Variants in ARHGEF6 observed in about 807,000 individuals in gnomAD.
ARHGEF6 encodes Rac/Cdc42 guanine nucleotide exchange factor 6.
In ARHGEF6, 9 loss-of-function variants were observed where a neutral mutation model predicts 70.3. The ratio of observed to expected loss-of-function variants is 0.13; its 90% CI spans 0.08 to 0.22. ARHGEF6 has a LOEUF of 0.22. ARHGEF6 is among the 10% of genes least tolerant of loss of function. The pLI is 1.00. For missense variants in ARHGEF6, 470 were observed against 563.0 expected (o/e 0.83, Z 1.67); for synonymous variants, 201 against 207.8 (o/e 0.97, Z 0.28).
At chrX:136,724,092 G>GT (rs2076829287) in intron 6 of ARHGEF6, among the ~76,000 whole-genome samples, 1 of 62,617 alleles carries the variant, frequency 1.6e-5, no homozygotes, top group Non-Finnish European at 3.2e-5. Context: ...TTTTTTTTTT[G>GT]TTTTTTAGAC....
intron 6 of ARHGEF6, among the ~76,000 whole-genome samples, chrX:136,727,330 T>TTTCTTTCC (rs2076865961): frequency 4.4e-5 from 1 of 22,791 alleles, no homozygotes; most frequent in African/African-American, 1.2e-4. Context: ...TTTCTTTTTC[T>TTTCTTTCC]TTCTTTCTTT....
chrX:136,728,700 G>A (rs1295151832), intron 6 of ARHGEF6, among the ~76,000 whole-genome samples: 3 of 109,374 alleles, frequency 2.7e-5, no homozygotes, highest in Non-Finnish European at 3.8e-5. Flanking sequence ...ATTTAAATTA[G>A]TAGGTGGAGT....
At chrX:136,776,677 A>G (rs1196381979) in intron 2 of ARHGEF6, among the ~76,000 whole-genome samples, 1 of 111,351 alleles carries the variant, frequency 9.0e-6, no homozygotes, top group African/African-American at 3.3e-5. Context: ...CAAGAACTCA[A>G]AAACAAAGGC....
At chrX:136,741,176 C>A (rs1249191456) in intron 5 of ARHGEF6, among the ~76,000 whole-genome samples, 1 of 111,624 alleles carries the variant, frequency 9.0e-6, no homozygotes, top group African/African-American at 3.3e-5. Context: ...AAGCTCCTAA[C>A]TCTGGTTGTC....
intron 14 of ARHGEF6, 148 bp from the exon 15 acceptor site, chrX:136,681,024 C>T (rs2076328411): frequency 5.1e-6 from 3 of 588,738 alleles, no homozygotes; most frequent in Admixed American, 5.4e-5. Flanking sequence ...GCTGAAATTT[C>T]TATATCAGAA....
At chrX:136,728,532 T>C (rs1483946904) in intron 6 of ARHGEF6, among the ~76,000 whole-genome samples, 1 of 107,388 alleles carries the variant, frequency 9.3e-6, no homozygotes, top group Non-Finnish European at 1.9e-5. Flanking sequence ...TGCCCAAGTT[T>C]ACAGGATGTG....
At chrX:136,734,531 T>A (rs973486699) in intron 5 of ARHGEF6, among the ~76,000 whole-genome samples, 3 of 111,496 alleles carry the variant, frequency 2.7e-5, no homozygotes, top group African/African-American at 9.8e-5. Context: ...AAAAAGGAAA[T>A]CTCCAGGCCC....
intron 1 of ARHGEF6, among the ~76,000 whole-genome samples, chrX:136,780,259 C>T (rs1328027854): frequency 1.8e-5 from 2 of 111,458 alleles, no homozygotes; most frequent in African/African-American, 6.5e-5. Context: ...TTCCTAGTTG[C>T]TATATAGTCT....
intron 9 of ARHGEF6, among the ~76,000 whole-genome samples, chrX:136,697,166 A>G (rs2076521979): frequency 8.9e-6 from 1 of 111,841 alleles, no homozygotes; most frequent in African/African-American, 3.3e-5. Context: ...CCATGGGAAC[A>G]GAAGAGTTCT....
chrX:136,684,555 C>G (rs989099270), intron 12 of ARHGEF6, among the ~76,000 whole-genome samples: 2 of 110,180 alleles, frequency 1.8e-5, no homozygotes, highest in Admixed American at 9.6e-5. Context: ...TCTTCAGCTC[C>G]CCCCACCCCC....
At position 136,776,822 on chromosome X, in the gene ARHGEF6, G is replaced by T. The variant is rs1287285757; in HGVS notation, c.249+2592C>A. Among the ~76,000 whole-genome samples, 3 of 106,978 alleles carry T rather than the reference G, an allele frequency of 2.8e-5. No individual in the cohort carries two copies. In the East Asian group the frequency reaches 8.7e-4, roughly 31 times the overall value. The allele number at this position is 106,978 out of a possible 115,157, so 92.9% of individuals were successfully genotyped here. On this transcript the variant is annotated intron_variant, in intron 2 of 21. Coordinates refer to ENST00000250617, the MANE Select transcript of ARHGEF6 (RefSeq NM_004840.3). ...TTCCCAAACTATGCATCTGACAAAG[G>T]TCTAATATCCAGAATCGACAAGGAA...
intron 5 of ARHGEF6, among the ~76,000 whole-genome samples, chrX:136,735,330 T>C (rs1423228721): frequency 1.8e-5 from 2 of 111,174 alleles, no homozygotes; most frequent in African/African-American, 6.5e-5. Context: ...TCTGGCCTCT[T>C]GTCCCTCCTT....
At chrX:136,731,828 C>A (rs1007591725) in intron 6 of ARHGEF6, among the ~76,000 whole-genome samples, 28 of 112,522 alleles carry the variant, frequency 2.5e-4, no homozygotes, top group African/African-American at 8.4e-4. Context: ...ATAATTCTTA[C>A]ATACTAGCCA....
rs747887035 is a variant in ARHGEF6 at position 136,743,373 on chromosome X, T to A, written c.661+212A>T. Among the ~76,000 whole-genome samples, 6 of 112,475 alleles carry A rather than the reference T, an allele frequency of 5.3e-5. No individual in the cohort carries two copies. In the South Asian group the frequency reaches 1.8e-3, roughly 35 times the overall value. On this transcript the variant is annotated intron_variant, in intron 5 of 21. Transcript: ENST00000250617. The stretch of plus-strand genomic sequence containing the variant: ...GAGCTTTGAATTCCTTTGCTTTTTT[T>A]ATTTTTCTGCTGCCTTAATGTAATC...
Position 136,745,208 on chromosome X carries a change from G to A in ARHGEF6, c.459+15C>T, listed in dbSNP as rs778358250. 5 of 1,209,376 alleles carry A rather than the reference G, an allele frequency of 4.1e-6. No individual in the cohort carries two copies. The African/African-American group carries it at 7.0e-5, about 17-fold the overall frequency. On this transcript the variant is annotated intron_variant, in intron 4 of 21. Transcript: ENST00000250617. Reference sequence around the variant, plus strand: ...TGGATTTTAAAACAGACGGAGAATTGGGGACTATACTTACCACTGTCTTTG... The same window carrying A: ...TGGATTTTAAAACAGACGGAGAATTAGGGACTATACTTACCACTGTCTTTG...
intron 2 of ARHGEF6, among the ~76,000 whole-genome samples, chrX:136,748,342 C>A (rs1341370309): frequency 1.8e-5 from 2 of 112,259 alleles, no homozygotes; most frequent in Non-Finnish European, 3.8e-5. Context: ...GCAAAAAACA[C>A]ATTAAGGAAA....
intron 15 of ARHGEF6, among the ~76,000 whole-genome samples, chrX:136,680,090 C>G (rs1448871384): frequency 8.9e-6 from 1 of 112,025 alleles, no homozygotes; most frequent in Non-Finnish European, 1.9e-5. Context: ...AGATTTGAAC[C>G]CAGATCTGAA....
At chrX:136,710,935 G>A (rs1318762842) in intron 7 of ARHGEF6, among the ~76,000 whole-genome samples, 1 of 111,891 alleles carries the variant, frequency 8.9e-6, no homozygotes, top group Non-Finnish European at 1.9e-5. Flanking sequence ...TCAGAGAAAT[G>A]CAAATTAAAA....
At chrX:136,682,648 T>A in intron 13 of ARHGEF6, 110 bp downstream of exon 13, 1 of 598,549 alleles carries the variant, frequency 1.7e-6, no homozygotes, top group Non-Finnish European at 2.9e-6. Flanking sequence ...GTCAGAACAT[T>A]CTGGTTCTCC....
Sources: allele counts gnomAD v4.1 joint callset (sites outside exome capture counted in the v4.1 genomes callset), GRCh38; gene constraint gnomAD v4.1.1; transcripts MANE v1.5; gene names NCBI Gene and HGNC (gene_info 2026-07-23, HGNC 2026-07-21).